The following EPHB4 variants were observed in gnomAD, a reference collection of about 807,000 sequenced individuals.
EPHB4 encodes EPH receptor B4, also known as ephrin type-B receptor 4.
Under a neutral mutation model 110.6 loss-of-function variants are expected in EPHB4, and 50 were observed. That is an observed-to-expected ratio of 0.45 (90% CI 0.36 to 0.57). The LOEUF (loss-of-function observed/expected upper bound fraction) is 0.57, where lower values mean the gene tolerates loss of function less well. Ranked by LOEUF, EPHB4 falls within the 20% of genes least tolerant of loss-of-function variation. EPHB4 has a pLI of 0.00. For synonymous variants in EPHB4, 592 were observed against 578.4 expected (o/e 1.02, Z -0.34); for missense variants, 1,128 against 1,382.1 (o/e 0.82, Z 2.91).
Position 100,817,352 on chromosome 7 carries a change from G to T in EPHB4, c.1428C>A (p.Ala476=). The T allele has an allele frequency of 8.3e-6, 13 of 1,567,550 alleles. No individual in the cohort carries two copies. Among genetic ancestry groups the T allele is most frequent in the Non-Finnish European group, 1.1e-5 (13 of 1,158,554 alleles). ...GGAACCGCACGCTGCTGGGACCCTC[G>T]GCGCCCTGTCCGGGAGAGGTAGTGG... ...DYEVKYHEKG[A]EGPSSVRFLK... The change falls in exon 8 of 17, where the codon GCC becomes GCA. Residue 476 remains alanine, a synonymous_variant. Transcript: ENST00000358173.
chr7:100,806,520 C>G lies in EPHB4; in HGVS notation c.2384G>C (p.Arg795Pro). ...RWTAPEAIAFRKFTSASDAWS... is the reference protein window; with the variant it reads ...RWTAPEAIAFPKFTSASDAWS... Reference sequence around the variant, plus strand: ...GGCATCACTGGCGGAAGTGAACTTCCGGAAGGCAATGGCCTCCGGGGCAGT... The same window carrying G: ...GGCATCACTGGCGGAAGTGAACTTCGGGAAGGCAATGGCCTCCGGGGCAGT... Residue 795 changes from arginine to proline, a missense_variant, in exon 14 of 17, where the codon CGG (arginine) becomes CCG (proline). Arg to Pro is a moderately radical substitution (Grantham distance 103). This residue lies in a region of EPHB4 where 191 missense variants were observed against 313.0 expected (regional missense o/e 0.61). Transcript: ENST00000358173. 4 of 1,614,098 alleles carry G rather than the reference C, an allele frequency of 2.5e-6. No homozygotes were observed. The highest frequency in any genetic ancestry group is 3.4e-6 in the Non-Finnish European group (4 of 1,180,026).
rs771309812 is a variant in EPHB4 at position 100,826,728 on chromosome 7, G to T, written c.52+251C>A. On this transcript the variant is annotated intron_variant, in intron 1 of 16. Transcript: ENST00000358173. Reference sequence around the variant, plus strand: ...ATGTAATCAGCAGTGAGAGTTCGGGGAGCCCGGGCAGGGGAATGTCCCGGG... The same window carrying T: ...ATGTAATCAGCAGTGAGAGTTCGGGTAGCCCGGGCAGGGGAATGTCCCGGG... 16 of 419,886 alleles carry T rather than the reference G, an allele frequency of 3.8e-5. No homozygotes were observed. The Admixed American group carries it at 5.5e-4, about 14-fold the overall frequency. 26.0% of individuals were successfully genotyped at this position (419,886 alleles called of 1,614,324 possible). A position where few individuals can be genotyped will look rare whatever the true frequency, so the allele number is the denominator to read the frequency against.
In EPHB4 at chr7:100,806,500, C is replaced by CACTGGCGGAAGTGA; in HGVS notation, c.2390_2403dup (p.Asp802SerfsTer13). On this transcript the variant is annotated frameshift_variant, in exon 14 of 17. Transcript: ENST00000358173. LOFTEE classifies it high-confidence loss of function. ...ATCACAATCCCGTAACTCCAGGCAT[C>CACTGGCGGAAGTGA]ACTGGCGGAAGTGAACTTCCGGAAG... 6.2e-7 allele frequency: 1 copy of CACTGGCGGAAGTGA among 1,614,162 alleles called. No homozygotes were observed. Among genetic ancestry groups the CACTGGCGGAAGTGA allele is most frequent in the Non-Finnish European group, 8.5e-7 (1 of 1,180,036 alleles).
chr7:100,808,295 C>T (rs914722876), intron 12 of EPHB4, among the ~76,000 whole-genome samples: 20 of 152,096 alleles, frequency 1.3e-4, no homozygotes, highest in Admixed American at 5.2e-4. Context: ...CATGGTTCAC[C>T]GCAGCCTTAA....
intron 10 of EPHB4, 62 bp from the exon 11 acceptor site, chr7:100,813,270 G>A (rs1425564072): frequency 8.9e-6 from 12 of 1,350,420 alleles, no homozygotes; most frequent in Non-Finnish European, 1.1e-5. Flanking sequence ...CGGAGGCTCG[G>A]CTCATAGCTT....
At position 100,818,620 on chromosome 7, in the gene EPHB4, CG is replaced by C; in HGVS notation, c.1321del (p.Arg441GlyfsTer2). 1 of 1,612,138 alleles carries C rather than the reference CG, an allele frequency of 6.2e-7. No homozygotes were observed. Among genetic ancestry groups the C allele is most frequent in the Non-Finnish European group, 8.5e-7 (1 of 1,179,916 alleles). ...GCTGCTGGGTGAGGACCGCGTCACC[CG>C]GATGTCAGACACTGCAGGAGGTACT... is the stretch of plus-strand genomic sequence containing the variant. ...REVPPAVSDI[R>X]VTRSSPSSLS... On this transcript the variant is annotated frameshift_variant, in exon 7 of 17. Coordinates refer to ENST00000358173, the MANE Select transcript of EPHB4 (RefSeq NM_004444.5). LOFTEE classifies it high-confidence loss of function.
chr7:100,810,067 T>C (rs376739124), intron 12 of EPHB4, among the ~76,000 whole-genome samples: 9 of 152,060 alleles, frequency 5.9e-5, no homozygotes, highest in African/African-American at 2.2e-4. Context: ...CTGGCCAATA[T>C]GGTGAAACCC....
At position 100,820,693 on chromosome 7, in the gene EPHB4, A is replaced by G. The variant is rs368905268; in HGVS notation, c.809-397T>C. ...AGCACTCCACAAAATACATAGGAAT[A>G]CCAGGGAAACCAATTAAGCTGAAAT... is the stretch of plus-strand genomic sequence containing the variant. On this transcript the variant is annotated intron_variant, in intron 4 of 16. Coordinates refer to ENST00000358173, the MANE Select transcript of EPHB4 (RefSeq NM_004444.5). 1.4e-4 allele frequency among the ~76,000 whole-genome samples: 22 copies of G among 152,312 alleles called. No individual in the cohort carries two copies. In the South Asian group the frequency reaches 4.6e-3, roughly 32 times the overall value.
chr7:100,812,960 C>G lies in EPHB4; in HGVS notation c.1905G>C (p.Lys635Asn). ...CACAGCTCTCCTTCTTCCCTGGGGCCTTGAGCCGCCCCCGGCACACCTCGC... is the reference window on the plus strand; with the variant it reads ...CACAGCTCTCCTTCTTCCCTGGGGCGTTGAGCCGCCCCCGGCACACCTCGC... ...EFGEVCRGRL[K>N]APGKKESCVA... Residue 635 changes from lysine to asparagine, a missense_variant, in exon 12 of 17, where the codon AAG becomes AAC. Transcript: ENST00000358173. The G allele has an allele frequency of 6.2e-7, 1 of 1,613,998 alleles. No homozygotes were observed. Among genetic ancestry groups the G allele is most frequent in the South Asian group, 1.1e-5 (1 of 91,086 alleles).
At chr7:100,810,872 G>A (rs935023277) in intron 12 of EPHB4, among the ~76,000 whole-genome samples, 8 of 152,138 alleles carry the variant, frequency 5.3e-5, no homozygotes, top group Non-Finnish European at 1.0e-4. Flanking sequence ...AATCAACTGG[G>A]TATTCAATGA....
At chr7:100,821,834 G>A (rs569459821) in intron 4 of EPHB4, among the ~76,000 whole-genome samples, 4 of 151,612 alleles carry the variant, frequency 2.6e-5, no homozygotes, top group Non-Finnish European at 4.4e-5. Context: ...AATTTCAAGT[G>A]GAAATTAATG....
intron 12 of EPHB4, among the ~76,000 whole-genome samples, chr7:100,808,686 G>A (rs775238127): frequency 3.3e-5 from 5 of 152,190 alleles, no homozygotes; most frequent in Non-Finnish European, 5.9e-5. Flanking sequence ...GACCTTTAAA[G>A]AGTTTGCTCT....
In EPHB4 at chr7:100,807,517, T is replaced by G; in HGVS notation, c.2182A>C (p.Met728Leu). The G allele has an allele frequency of 6.2e-7, 1 of 1,614,066 alleles. No homozygotes were observed. The highest frequency in any genetic ancestry group is 1.1e-5 in the South Asian group (1 of 91,088). ...TAGCTCATCTCGGCAAGGTACCGCA[T>G]GCCCGAGGCGATGCCCCGCAGCATG... ...VGMLRGIASGMRYLAEMSYVH... is the reference protein window; with the variant it reads ...VGMLRGIASGLRYLAEMSYVH... The change falls in exon 13 of 17, where the codon ATG becomes CTG. Residue 728 changes from methionine (M) to leucine (L), a missense_variant. Physicochemically the swap from Met to Leu is conservative, Grantham distance 15 (BLOSUM62 2). Transcript: ENST00000358173.
Position 100,822,225 on chromosome 7 carries a change from T to C in EPHB4, c.808+46A>G, listed in dbSNP as rs1422138181. ...GTGGGTCCTGAGTGGAGTTCAGGAC[T>C]CTCCCCCGGATGAGCAGCAGTCGCA... On this transcript the variant is annotated intron_variant, in intron 4 of 16. Coordinates refer to ENST00000358173, the MANE Select transcript of EPHB4 (RefSeq NM_004444.5). This position sits in a 1 kb window ranked among gnomAD's most constrained non-coding sequence, Gnocchi z 4.7. 6 of 1,529,418 alleles carry C rather than the reference T, an allele frequency of 3.9e-6. No homozygotes were observed. Among genetic ancestry groups the C allele is most frequent in the Admixed American group, 2.0e-5 (1 of 49,422 alleles). 94.7% of individuals were successfully genotyped at this position (1,529,418 alleles called of 1,614,324 possible). A position where few individuals can be genotyped will look rare whatever the true frequency, so the allele number is the denominator to read the frequency against.
At chr7:100,814,042 G>A (rs919154808) in intron 8 of EPHB4, 21 bp from the exon 9 acceptor site, 1 of 1,612,566 alleles carries the variant, frequency 6.2e-7, no homozygotes, top group South Asian at 1.1e-5. Flanking sequence ...AAAGGCTGCT[G>A]ATCAGGAGAA....
At chr7:100,825,898 T>G (rs1292584370) in intron 1 of EPHB4, among the ~76,000 whole-genome samples, 1 of 152,120 alleles carries the variant, frequency 6.6e-6, no homozygotes, top group Non-Finnish European at 1.5e-5. Context: ...CGTTCATGGT[T>G]TTTGTTCCCC....
At chr7:100,810,317 G>C (rs1256346614) in intron 12 of EPHB4, among the ~76,000 whole-genome samples, 1 of 152,138 alleles carries the variant, frequency 6.6e-6, no homozygotes, top group African/African-American at 2.4e-5. Context: ...AATACAGAGA[G>C]ACAAGCTAAA....
chr7:100,820,890 A>G (rs1284239604), intron 4 of EPHB4: 3 of 151,640 alleles, frequency 2.0e-5, no homozygotes, highest in East Asian at 4.0e-4. Flanking sequence ...TTTTCCTGAG[A>G]AGGAGGCCAA....
intron 16 of EPHB4, among the ~76,000 whole-genome samples, chr7:100,803,894 T>C (rs1433350000): frequency 3.3e-5 from 5 of 151,832 alleles, no homozygotes; most frequent in African/African-American, 1.2e-4. Context: ...GCTGCACAGA[T>C]TGCCGTAGAG....
Sources: allele counts gnomAD v4.1 joint callset (sites outside exome capture counted in the v4.1 genomes callset), GRCh38; gene constraint gnomAD v4.1.1; regional missense constraint gnomAD v4.1.1; non-coding constraint Gnocchi (gnomAD v3.1); transcripts MANE v1.5; gene names NCBI Gene and HGNC (gene_info 2026-07-23, HGNC 2026-07-21).